The following CTNNA3 variants were observed in gnomAD, a reference collection of about 807,000 sequenced individuals.
CTNNA3 encodes catenin alpha 3, also known as catenin alpha-3.
Under a neutral mutation model 95.7 loss-of-function variants are expected in CTNNA3, and 76 were observed. That is an observed-to-expected ratio of 0.79 (90% CI 0.66 to 0.96). The LOEUF (loss-of-function observed/expected upper bound fraction) is 0.96, where lower values mean the gene tolerates loss of function less well. Among genes scored for constraint, CTNNA3 ranks in the 40% least tolerant of loss-of-function variants. The pLI is 0.00. For missense variants in CTNNA3, 1,191 were observed against 1,089.8 expected, an observed-to-expected ratio of 1.09 and a Z score of -1.31; for synonymous variants, 431 against 374.4, an observed-to-expected ratio of 1.15 and a Z score of -1.74.
At chr10:67,342,950 A>T (rs1842271352) in intron 5 of CTNNA3, among the ~76,000 whole-genome samples, 1 of 151,624 alleles carries the variant, frequency 6.6e-6, no homozygotes, top group African/African-American at 2.4e-5. Flanking sequence ...TCGTGGTTCC[A>T]CATAATTTTC....
At chr10:66,291,687 C>T (rs578039905) in intron 12 of CTNNA3, among the ~76,000 whole-genome samples, 12 of 151,620 alleles carry the variant, frequency 7.9e-5, no homozygotes, top group African/African-American at 2.4e-4. Context: ...ATTTGATGTT[C>T]CACAAAGGGA....
At chr10:66,715,671 C>T (rs1848427795) in intron 9 of CTNNA3, among the ~76,000 whole-genome samples, 1 of 152,010 alleles carries the variant, frequency 6.6e-6, no homozygotes, top group Non-Finnish European at 1.5e-5. Flanking sequence ...CATACCTGGG[C>T]ATTCTCTTGA....
intron 4 of CTNNA3, among the ~76,000 whole-genome samples, chr10:67,537,083 A>T (rs888400984): frequency 3.9e-5 from 6 of 152,172 alleles, no homozygotes; most frequent in African/African-American, 1.4e-4. Context: ...TTTACTACAC[A>T]TACTTATATG....
At chr10:66,227,355 T>C (rs2089352522) in intron 13 of CTNNA3, among the ~76,000 whole-genome samples, 1 of 143,566 alleles carries the variant, frequency 7.0e-6, no homozygotes, top group Non-Finnish European at 1.5e-5. Context: ...TACACTTCTA[T>C]ACTTAATTTG....
chr10:67,746,104 C>T (rs972899357), intron 1 of CTNNA3, among the ~76,000 whole-genome samples: 1 of 152,030 alleles, frequency 6.6e-6, no homozygotes, highest in African/African-American at 2.4e-5. Flanking sequence ...CACAAAGGCC[C>T]CAAATAGCCA....
chr10:66,318,576 T>G (rs2132281125), intron 12 of CTNNA3, among the ~76,000 whole-genome samples: 1 of 152,152 alleles, frequency 6.6e-6, no homozygotes, highest in Admixed American at 6.5e-5. Context: ...TCCATGCTAT[T>G]GCCAAAATCC....
chr10:66,722,786 G>A (rs1848669393), intron 9 of CTNNA3, among the ~76,000 whole-genome samples: 1 of 151,582 alleles, frequency 6.6e-6, no homozygotes, highest in Non-Finnish European at 1.5e-5. Context: ...TCAAGCAACT[G>A]TAGAGTAATA....
At chr10:66,722,282 G>T (rs1848652211) in intron 9 of CTNNA3, among the ~76,000 whole-genome samples, 1 of 151,950 alleles carries the variant, frequency 6.6e-6, no homozygotes, top group African/African-American at 2.4e-5. Flanking sequence ...GGAGGCTGAG[G>T]CAGGAGAAGG....
intron 7 of CTNNA3, among the ~76,000 whole-genome samples, chr10:66,854,971 T>A (rs969292774): frequency 8.6e-5 from 13 of 151,904 alleles, no homozygotes; most frequent in Non-Finnish European, 1.8e-4. Flanking sequence ...ACTTGCAAGG[T>A]CCTTGTAAAG....
chr10:67,694,623 T>C (rs935722914), intron 1 of CTNNA3, among the ~76,000 whole-genome samples: 3 of 152,110 alleles, frequency 2.0e-5, no homozygotes, highest in Non-Finnish European at 4.4e-5. Flanking sequence ...TGAACAAATG[T>C]TACACAAATT....
chr10:66,862,044 G>A (rs576340627), intron 7 of CTNNA3, among the ~76,000 whole-genome samples: 11 of 152,064 alleles, frequency 7.2e-5, no homozygotes, highest in Middle Eastern at 3.4e-3. Context: ...GTGAAAAACC[G>A]TCACTATTAA....
At chr10:66,587,996 C>G (rs1843418629) in intron 10 of CTNNA3, among the ~76,000 whole-genome samples, 2 of 152,330 alleles carry the variant, frequency 1.3e-5, no homozygotes, top group South Asian at 4.1e-4. Context: ...GGGAGCTTCT[C>G]TCAACCTGTG....
intron 13 of CTNNA3, among the ~76,000 whole-genome samples, chr10:66,279,548 T>C (rs865851678): frequency 1.3e-5 from 2 of 151,952 alleles, no homozygotes; most frequent in Admixed American, 6.6e-5. Context: ...AAATATCCAG[T>C]TTGTTCATGT....
chr10:66,314,183 T>C (rs2092066118), intron 12 of CTNNA3, among the ~76,000 whole-genome samples: 1 of 152,078 alleles, frequency 6.6e-6, no homozygotes, highest in African/African-American at 2.4e-5. Context: ...ACAGGTAACA[T>C]GAATGAGTGA....
intron 7 of CTNNA3, among the ~76,000 whole-genome samples, chr10:66,859,696 G>T (rs1251853075): frequency 7.1e-6 from 1 of 140,082 alleles, no homozygotes; most frequent in Non-Finnish European, 1.6e-5. Context: ...AAATCATGCT[G>T]CTATAAAGAC....
chr10:66,047,658 G>T (rs1381417116), intron 15 of CTNNA3, among the ~76,000 whole-genome samples: 1 of 151,942 alleles, frequency 6.6e-6, no homozygotes. Flanking sequence ...ACAAATAAAG[G>T]GCACCCAAAT....
intron 2 of CTNNA3, among the ~76,000 whole-genome samples, chr10:67,618,039 G>C (rs1473196054): frequency 6.6e-6 from 1 of 152,000 alleles, no homozygotes; most frequent in African/African-American, 2.4e-5. Context: ...GCAAACTAAA[G>C]AGAAATTATA....
intron 7 of CTNNA3, among the ~76,000 whole-genome samples, chr10:66,941,474 G>A (rs1163075662): frequency 1.3e-5 from 2 of 152,116 alleles, no homozygotes; most frequent in Non-Finnish European, 2.9e-5. Flanking sequence ...TAAGGTTAGA[G>A]TCCACTTTGA....
intron 7 of CTNNA3, among the ~76,000 whole-genome samples, chr10:67,079,286 A>G (rs950624589): frequency 6.6e-6 from 1 of 152,180 alleles, no homozygotes; most frequent in Non-Finnish European, 1.5e-5. Flanking sequence ...AAACTATCAT[A>G]AATACAGACA....
Sources: allele counts gnomAD v4.1 joint callset (sites outside exome capture counted in the v4.1 genomes callset), GRCh38; gene constraint gnomAD v4.1.1; transcripts MANE v1.5; gene names NCBI Gene and HGNC (gene_info 2026-07-23, HGNC 2026-07-21).